The following NEDD9 variants were observed in gnomAD, a reference collection of about 807,000 sequenced individuals.
The protein encoded by NEDD9 is neural precursor cell expressed, developmentally down-regulated 9, also known as enhancer of filamentation 1.
In NEDD9, 26 loss-of-function variants were observed where a neutral mutation model predicts 76.6. The ratio of observed to expected loss-of-function variants is 0.34; its 90% confidence interval spans 0.25 to 0.47. The LOEUF is 0.47. NEDD9 is among the 20% of genes least tolerant of loss of function. The pLI is 1.00. For synonymous variants in NEDD9, 392 were observed against 414.2 expected (o/e 0.95, Z 0.65); for missense variants, 937 against 1,058.5 (o/e 0.89, Z 1.59).
intron 1 of NEDD9, among the ~76,000 whole-genome samples, chr6:11,379,714 G>A (rs1763028607): frequency 6.6e-6 from 1 of 151,468 alleles, no homozygotes; most frequent in South Asian, 2.1e-4. Flanking sequence ...ACCATAAAAA[G>A]CAAATACAGG....
At position 11,268,660 on chromosome 6, in the gene NEDD9, G is replaced by A. The variant is rs373561866; in HGVS notation, c.12+37332C>T. ...GGAGAATCACTTGAACCCAGGAGGC[G>A]GAGGTTGCAGTGAGCCGAGATTGGG... On this transcript the variant is annotated intron_variant, in intron 3 of 3. Transcript: ENST00000397378. Among the ~76,000 whole-genome samples the A allele has an allele frequency of 5.9e-5, 9 of 151,906 alleles. No homozygotes were observed. In the East Asian group the frequency reaches 9.7e-4, roughly 16 times the overall value.
intron 1 of NEDD9, among the ~76,000 whole-genome samples, chr6:11,379,362 C>T (rs963822755): frequency 2.0e-5 from 3 of 152,018 alleles, no homozygotes; most frequent in South Asian, 2.1e-4. Flanking sequence ...CTAAGGTGGG[C>T]GGGTCACCTG....
chr6:11,351,020 A>G (rs1762458798), intron 1 of NEDD9, among the ~76,000 whole-genome samples: 1 of 152,182 alleles, frequency 6.6e-6, no homozygotes, highest in Non-Finnish European at 1.5e-5. Context: ...GATCAAGCGA[A>G]TCAGCATTTC....
At chr6:11,345,133 G>A (rs930995414) in intron 1 of NEDD9, among the ~76,000 whole-genome samples, 3 of 152,180 alleles carry the variant, frequency 2.0e-5, no homozygotes, top group African/African-American at 7.2e-5. Context: ...GAGAAGGGGA[G>A]TGAGAGTAAG....
chr6:11,191,218 T>C lies in NEDD9; in HGVS notation c.664-13A>G. The C allele has an allele frequency of 1.3e-6, 2 of 1,564,178 alleles. No homozygotes were observed. Among genetic ancestry groups the C allele is most frequent in the East Asian group, 2.3e-5 (1 of 44,380 alleles). ...GAATGGCATATACCTGCAAAGCAAG[T>C]AGAAAGCGAAATGCTATTTATTGAG... On this transcript the variant is annotated splice_polypyrimidine_tract_variant and intron_variant, in intron 4 of 6. Transcript: ENST00000379446.
Position 11,190,249 on chromosome 6 carries a change from A to G in NEDD9, c.1620T>C (p.Asp540=), listed in dbSNP as rs760373768. Residue 540 remains aspartate (D), a synonymous_variant, in exon 5 of 7, where the codon GAT becomes GAC. Transcript: ENST00000379446. The surrounding 1 kb of genome is among the most constrained non-coding windows in gnomAD (Gnocchi z 5.8). ...RFVMVAKTVP[D]DAKQLTTTIN... ...TGGTTGTGGTGAGCTGCTTGGCGTC[A>G]TCGGGCACCGTCTTTGCCACCATCA... 7 of 1,614,228 alleles carry G rather than the reference A, an allele frequency of 4.3e-6. No individual in the cohort carries two copies. The highest frequency in any genetic ancestry group is 5.9e-6 in the Non-Finnish European group (7 of 1,180,044).
chr6:11,374,064 C>G lies in NEDD9; in HGVS notation c.-214+8075G>C, dbSNP rs116142469. On this transcript the variant is annotated intron_variant, in intron 1 of 3. Transcript: ENST00000397378. ...AATAAATCTCTCTCTCTCTCTCTCT[C>G]TCTATATATATATGTATATATATAC... is the stretch of plus-strand genomic sequence containing the variant. Among the ~76,000 whole-genome samples the G allele has an allele frequency of 5.3e-5, 8 of 151,238 alleles. No homozygotes were observed. In the East Asian group the frequency reaches 1.4e-3, roughly 26 times the overall value.
At chr6:11,189,572 A>G (rs1302149771) in intron 5 of NEDD9, among the ~76,000 whole-genome samples, 1 of 152,220 alleles carries the variant, frequency 6.6e-6, no homozygotes, top group Non-Finnish European at 1.5e-5. Context: ...GGAACTATAC[A>G]TAAAACACAA....
At chr6:11,281,747 A>ATAATTT (rs1232744522) in intron 3 of NEDD9, among the ~76,000 whole-genome samples, 1 of 151,886 alleles carries the variant, frequency 6.6e-6, no homozygotes, top group Non-Finnish European at 1.5e-5. Context: ...CTTTTTTTAT[A>ATAATTT]TATTTTTATT....
At chr6:11,234,842 C>T (rs1229837683), upstream of NEDD9, among the ~76,000 whole-genome samples, 1 of 151,690 alleles carries the variant, frequency 6.6e-6, no homozygotes, top group Non-Finnish European at 1.5e-5. Flanking sequence ...TCCCGAGTAG[C>T]TGGGATTACA....
intron 1 of NEDD9, among the ~76,000 whole-genome samples, chr6:11,367,031 T>C (rs1343952880): frequency 6.6e-6 from 1 of 152,220 alleles, no homozygotes; most frequent in Non-Finnish European, 1.5e-5. Flanking sequence ...CCTAGATTAG[T>C]TTTTGCTGTA....
At chr6:11,207,972 GT>G (rs1255149392) in intron 2 of NEDD9, among the ~76,000 whole-genome samples, 1 of 152,188 alleles carries the variant, frequency 6.6e-6, no homozygotes, top group Non-Finnish European at 1.5e-5. Context: ...GAGGCCAGGA[GT>G]TCAAGACCAG....
chr6:11,275,668 C>T (rs1044201032), intron 3 of NEDD9, among the ~76,000 whole-genome samples: 1 of 152,262 alleles, frequency 6.6e-6, no homozygotes, highest in Non-Finnish European at 1.5e-5. Flanking sequence ...GCAAGCTCAG[C>T]ACTTTGTCAA....
chr6:11,353,030 C>T (rs563286062), intron 1 of NEDD9, among the ~76,000 whole-genome samples: 1 of 152,268 alleles, frequency 6.6e-6, no homozygotes, highest in Non-Finnish European at 1.5e-5. Flanking sequence ...CTTGAGCGAT[C>T]ACCTTTGCTG....
rs951913939 is a variant in NEDD9, at chr6:11,252,483, C to T, written c.13-38756G>A. 2.4e-4 allele frequency among the ~76,000 whole-genome samples: 37 copies of T among 152,198 alleles called. No homozygotes were observed. The highest frequency in any genetic ancestry group is 8.7e-4 in the African/African-American group (36 of 41,428). The stretch of plus-strand genomic sequence containing the variant: ...ATAGAATTCTCTATGGCTCTCCATC[C>T]TTTAAACAAATTAACACAGCCCACA... On this transcript the variant is annotated intron_variant, in intron 3 of 3. Coordinates refer to the NEDD9 transcript ENST00000397378. The surrounding 1 kb of genome is among the most constrained non-coding windows in gnomAD (Gnocchi z 4.3).
chr6:11,248,295 G>A (rs1392402205), intron 3 of NEDD9, among the ~76,000 whole-genome samples: 8 of 152,104 alleles, frequency 5.3e-5, no homozygotes, highest in Non-Finnish European at 1.0e-4. Context: ...AGCTAAGTGC[G>A]CCATCTCTTC....
chr6:11,232,600 G>C lies in NEDD9; in HGVS notation c.-85C>G. 1 of 1,609,704 alleles carries C rather than the reference G, an allele frequency of 6.2e-7. No homozygotes were observed. ...GGTGCCCGCCCCTCCATTGAGTGCA[G>C]CGCTAGATGAAAGCGAGAAGGTCCC... On this transcript the variant is annotated 5_prime_UTR_variant, in exon 1 of 7. Transcript: ENST00000379446.
intron 1 of NEDD9, among the ~76,000 whole-genome samples, chr6:11,375,834 C>CT (rs61390788): frequency 0.017 from 2,550 of 151,898 alleles, 23 homozygotes; most frequent in Middle Eastern, 0.044. Flanking sequence ...TTTTTTCTTT[C>CT]TTTTTTTTGA....
chr6:11,184,092 G>A lies in NEDD9; in HGVS notation c.*1070C>T, dbSNP rs1298667192. ...TTGAGTGTCAGGTCTGCATATGTGA[G>A]TTTTAAAGAAGGTGCAAGATAGCAA... On this transcript the variant is annotated 3_prime_UTR_variant, in exon 7 of 7. Transcript: ENST00000379446. The A allele has an allele frequency of 2.0e-5, 3 of 152,234 alleles. No individual in the cohort carries two copies. Among genetic ancestry groups the A allele is most frequent in the Non-Finnish European group, 4.4e-5 (3 of 68,058 alleles). 9.4% of individuals were successfully genotyped at this position (152,234 alleles called of 1,614,324 possible).
Sources: allele counts gnomAD v4.1 joint callset (sites outside exome capture counted in the v4.1 genomes callset), GRCh38; gene constraint gnomAD v4.1.1; non-coding constraint Gnocchi (gnomAD v3.1); transcripts MANE v1.5; gene names NCBI Gene and HGNC (gene_info 2026-07-23, HGNC 2026-07-21).